The following TMEM108 variants were observed in gnomAD, a reference collection of about 807,000 sequenced individuals.
TMEM108 encodes the protein cancer/testis antigen 124.
A neutral mutation model predicts 35.1 loss-of-function variants in TMEM108; 12 were observed. That is an observed-to-expected ratio of 0.34 (90% confidence interval 0.22 to 0.55). TMEM108 has a LOEUF of 0.55. Among genes scored for constraint, TMEM108 ranks in the 20% least tolerant of loss-of-function variants. The pLI, the probability that TMEM108 is intolerant of heterozygous loss-of-function variation, is 0.89. For synonymous variants in TMEM108, 287 were observed against 308.6 expected, an observed-to-expected ratio of 0.93 and a Z score of 0.73; for missense variants, 680 against 753.3, an observed-to-expected ratio of 0.90 and a Z score of 1.14.
chr3:133,293,249 A>G (rs375711461), intron 3 of TMEM108, among the ~76,000 whole-genome samples: 6 of 152,036 alleles, frequency 3.9e-5, no homozygotes, highest in African/African-American at 1.4e-4. Flanking sequence ...AGATGAATCA[A>G]TCATGCCTAC....
intron 3 of TMEM108, among the ~76,000 whole-genome samples, chr3:133,259,498 A>G (rs1169922911): frequency 6.6e-6 from 1 of 152,224 alleles, no homozygotes; most frequent in Non-Finnish European, 1.5e-5. Flanking sequence ...CCCATTATAC[A>G]GTTGAGGAAA....
intron 2 of TMEM108, among the ~76,000 whole-genome samples, chr3:133,151,638 A>T (rs565639994): frequency 3.9e-5 from 6 of 152,310 alleles, no homozygotes; most frequent in African/African-American, 1.2e-4. Flanking sequence ...AATAATAGTA[A>T]CAAAGAGCCT....
intron 2 of TMEM108, among the ~76,000 whole-genome samples, chr3:133,213,018 C>A (rs149391920): frequency 2.0e-5 from 3 of 152,032 alleles, no homozygotes; most frequent in Non-Finnish European, 4.4e-5. Flanking sequence ...CCATTATAAC[C>A]CAAACCCAGC....
At chr3:133,353,839 G>A (rs2072079741) in intron 3 of TMEM108, among the ~76,000 whole-genome samples, 2 of 152,172 alleles carry the variant, frequency 1.3e-5, no homozygotes, top group South Asian at 2.1e-4. Flanking sequence ...TCTTGCCGAC[G>A]ATTCAATTTA....
chr3:133,258,066 A>G (rs909088225), intron 3 of TMEM108, among the ~76,000 whole-genome samples: 7 of 152,166 alleles, frequency 4.6e-5, no homozygotes, highest in African/African-American at 1.4e-4. Context: ...CTGAAGCCCA[A>G]TGTGATGGTA....
intron 2 of TMEM108, among the ~76,000 whole-genome samples, chr3:133,134,313 C>A (rs1027008861): frequency 3.9e-5 from 6 of 152,108 alleles, no homozygotes; most frequent in South Asian, 2.1e-4. Flanking sequence ...ATGTTCTATA[C>A]ATCTAAAAGT....
chr3:133,389,135 G>A, intron 4 of TMEM108: 1 of 985,750 alleles, frequency 1.0e-6, no homozygotes, highest in Non-Finnish European at 1.2e-6. Context: ...TTACCCTTCT[G>A]CAGTGTGAAT....
At chr3:133,331,655 A>G (rs1576460007) in intron 3 of TMEM108, among the ~76,000 whole-genome samples, 2 of 152,336 alleles carry the variant, frequency 1.3e-5, no homozygotes, top group East Asian at 3.9e-4. Context: ...CTATGTATCT[A>G]CTGGGACTCC....
rs371440092 is a variant in TMEM108, at chr3:133,295,342, G to C, written c.40+65991G>C. 2.0e-5 allele frequency among the ~76,000 whole-genome samples: 3 copies of C among 152,264 alleles called. No homozygotes were observed. In the East Asian group the frequency reaches 5.8e-4, roughly 29 times the overall value. The stretch of plus-strand genomic sequence containing the variant: ...GAGAGCAAGGAGCTGAGAACCTAGA[G>C]CTTTAGCTTCCCTGCTCACCATCGT... On this transcript the variant is annotated intron_variant, in intron 3 of 5. Transcript: ENST00000321871.
rs1230171345 is a variant in TMEM108, at chr3:133,378,657, C to G, written c.41-1095C>G. Reference sequence around the variant, plus strand: ...CAACGGCTCCTACATGTCATGCTTGCATGAGGTACCATTTTTAAAAATAGG... The same window carrying G: ...CAACGGCTCCTACATGTCATGCTTGGATGAGGTACCATTTTTAAAAATAGG... On this transcript the variant is annotated intron_variant, in intron 3 of 5. Coordinates refer to ENST00000321871, the MANE Select transcript of TMEM108 (RefSeq NM_023943.4). 3 of 416,966 alleles carry G rather than the reference C, an allele frequency of 7.2e-6. No homozygotes were observed. In the East Asian group the frequency reaches 4.8e-4, roughly 66 times the overall value. 25.8% of individuals were successfully genotyped at this position (416,966 alleles called of 1,614,324 possible). A position where few individuals can be genotyped will look rare whatever the true frequency, so the allele number is the denominator to read the frequency against.
intron 3 of TMEM108, among the ~76,000 whole-genome samples, chr3:133,299,907 T>A (rs1266727839): frequency 1.3e-5 from 2 of 152,082 alleles, no homozygotes; most frequent in East Asian, 1.9e-4. Context: ...TCCTATCACA[T>A]AGAAGTGATA....
At chr3:133,078,429 G>A (rs750190076) in intron 2 of TMEM108, among the ~76,000 whole-genome samples, 1 of 152,164 alleles carries the variant, frequency 6.6e-6, no homozygotes, top group Admixed American at 6.5e-5. Context: ...CTACAAAGCT[G>A]CTTTGTAGAG....
intron 3 of TMEM108, among the ~76,000 whole-genome samples, chr3:133,335,528 G>A (rs898037086): frequency 1.3e-5 from 2 of 152,094 alleles, no homozygotes; most frequent in Non-Finnish European, 2.9e-5. Context: ...AAAAAAGTGG[G>A]ATAAAATATA....
At chr3:133,167,156 A>C (rs773541589) in intron 2 of TMEM108, among the ~76,000 whole-genome samples, 2 of 152,266 alleles carry the variant, frequency 1.3e-5, no homozygotes, top group Non-Finnish European at 2.9e-5. Context: ...TAGAGAGAGC[A>C]CTGATTGGTG....
intron 3 of TMEM108, among the ~76,000 whole-genome samples, chr3:133,245,339 G>A (rs537358172): frequency 1.3e-5 from 2 of 152,288 alleles, no homozygotes; most frequent in African/African-American, 4.8e-5. Flanking sequence ...TCACACTGAT[G>A]TTCTTTTCCT....
intron 2 of TMEM108, among the ~76,000 whole-genome samples, chr3:133,159,870 C>G (rs191360739): frequency 6.6e-6 from 1 of 152,134 alleles, no homozygotes; most frequent in Admixed American, 6.5e-5. Context: ...TCTTCATAAA[C>G]GATGTGAAAT....
At chr3:133,284,912 C>G (rs1194643271) in intron 3 of TMEM108, among the ~76,000 whole-genome samples, 5 of 152,036 alleles carry the variant, frequency 3.3e-5, no homozygotes, top group Non-Finnish European at 7.4e-5. Context: ...TTCCATGTTT[C>G]AAGTTTTTTG....
At position 133,139,749 on chromosome 3, in the gene TMEM108, C is replaced by T. The variant is rs368302491; in HGVS notation, c.-46-89517C>T. 1.2e-4 allele frequency among the ~76,000 whole-genome samples: 19 copies of T among 152,268 alleles called. No individual in the cohort carries two copies. In the South Asian group the frequency reaches 3.3e-3, roughly 27 times the overall value. Reference sequence around the variant, plus strand: ...GCTGCTCTGCCATTTTGTGTTTGCTCGTTCCAACCAGTATCAAAACCTAGG... The same window carrying T: ...GCTGCTCTGCCATTTTGTGTTTGCTTGTTCCAACCAGTATCAAAACCTAGG... On this transcript the variant is annotated intron_variant, in intron 2 of 5. Transcript: ENST00000321871.
intron 3 of TMEM108, among the ~76,000 whole-genome samples, chr3:133,305,465 GTAAC>G (rs1171155430): frequency 2.6e-5 from 4 of 151,792 alleles, no homozygotes; most frequent in African/African-American, 9.7e-5. Context: ...GTATACATAT[GTAAC>G]TAACCTGCAC....
Sources: gnomAD v4.1 joint callset for allele counts (sites outside exome capture counted in the v4.1 genomes callset) on GRCh38, gnomAD v4.1.1 for gene constraint, MANE v1.5 for transcripts, NCBI Gene and HGNC (gene_info 2026-07-23, HGNC 2026-07-21) for gene names.